The following LMO3 variants were observed in gnomAD, a reference collection of about 807,000 sequenced individuals.
The protein encoded by LMO3 is LIM domain only 3.
A neutral mutation model predicts 15.8 loss-of-function variants in LMO3; 2 were observed. That is an observed-to-expected ratio of 0.13 (90% confidence interval 0.05 to 0.40). The LOEUF (loss-of-function observed/expected upper bound fraction) is 0.40. LMO3 is among the 10% of genes least tolerant of loss of function. The pLI is 0.99. For missense variants in LMO3, 86 were observed against 182.2 expected, an observed-to-expected ratio of 0.47 and a Z score of 3.04; for synonymous variants, 62 against 63.8, an observed-to-expected ratio of 0.97 and a Z score of 0.13.
intron 3 of LMO3, among the ~76,000 whole-genome samples, chr12:16,558,197 G>A (rs1942262579): frequency 1.3e-5 from 2 of 152,034 alleles, no homozygotes; most frequent in Non-Finnish European, 2.9e-5. Flanking sequence ...TTTATACAAT[G>A]TCATTTGTCC....
intron 2 of LMO3, among the ~76,000 whole-genome samples, chr12:16,592,519 C>A (rs1943525634): frequency 6.6e-6 from 1 of 152,008 alleles, no homozygotes; most frequent in Non-Finnish European, 1.5e-5. Flanking sequence ...AAATAACCTG[C>A]TCATGGAAAC....
At chr12:16,605,104 G>A in intron 1 of LMO3, 1 of 1,437,874 alleles carries the variant, frequency 7.0e-7, no homozygotes, top group Non-Finnish European at 9.1e-7. Flanking sequence ...ACAAGACAGG[G>A]CGCACACACG....
rs970153803 is a variant in LMO3 at position 16,555,390 on chromosome 12, T to C, written c.333-4063A>G. 1.3e-5 allele frequency among the ~76,000 whole-genome samples: 2 copies of C among 152,224 alleles called. No individual in the cohort carries two copies. The highest frequency in any genetic ancestry group is 2.9e-5 in the Non-Finnish European group (2 of 68,046). ...TTGGTGTTTCAAAATTTCTCATGAATGTGTAACTGGTTTGCCATTATAGTC... is the reference window on the plus strand; with the variant it reads ...TTGGTGTTTCAAAATTTCTCATGAACGTGTAACTGGTTTGCCATTATAGTC... On this transcript the variant is annotated intron_variant, in intron 3 of 3. Transcript: ENST00000537304. This position sits in a 1 kb window ranked among gnomAD's most constrained non-coding sequence, Gnocchi z 5.5.
chr12:16,588,849 C>G (rs1161409730), intron 2 of LMO3, among the ~76,000 whole-genome samples: 1 of 151,942 alleles, frequency 6.6e-6, no homozygotes, highest in African/African-American at 2.4e-5. Context: ...TAATTTCTCC[C>G]TTATCTTATC....
intron 3 of LMO3, among the ~76,000 whole-genome samples, chr12:16,556,997 TTA>T (rs1203192352): frequency 1.3e-5 from 2 of 152,162 alleles, no homozygotes. Flanking sequence ...GTGAACAGTT[TTA>T]GAGTCAAAAT....
In LMO3 at chr12:16,559,681, TG is replaced by T. The variant is rs1261233116; in HGVS notation, c.332+731del. Reference sequence around the variant, plus strand: ...AAACAGCTAGATTGGGTGGGGGTGGTGGCTCATGCCTATAATCCCTGCACTT... The same window carrying T: ...AAACAGCTAGATTGGGTGGGGGTGGTGCTCATGCCTATAATCCCTGCACTT... On this transcript the variant is annotated intron_variant, in intron 3 of 3. Transcript: ENST00000537304. This position sits in a 1 kb window ranked among gnomAD's most constrained non-coding sequence, Gnocchi z 4.1. Among the ~76,000 whole-genome samples the T allele has an allele frequency of 1.3e-5, 2 of 151,930 alleles. No individual in the cohort carries two copies. Among genetic ancestry groups the T allele is most frequent in the African/African-American group, 4.8e-5 (2 of 41,330 alleles).
At chr12:16,581,455 A>C (rs1188954844) in intron 2 of LMO3, among the ~76,000 whole-genome samples, 1 of 152,204 alleles carries the variant, frequency 6.6e-6, no homozygotes, top group Non-Finnish European at 1.5e-5. Flanking sequence ...AATACCTGAA[A>C]AATAATACTA....
chr12:16,593,644 GT>G lies in LMO3; in HGVS notation c.206+7010del, dbSNP rs1371242391. On this transcript the variant is annotated intron_variant, in intron 2 of 3. Coordinates refer to ENST00000537304, the MANE Select transcript of LMO3 (RefSeq NM_018640.5). The surrounding 1 kb of genome is among the most constrained non-coding windows in gnomAD (Gnocchi z 4.2). ...AATGCACAGTTGGCTGATGTAGTTAGTTTGTGAAGATAGAAAACGTTTGGCT... is the reference window on the plus strand; with the variant it reads ...AATGCACAGTTGGCTGATGTAGTTAGTTGTGAAGATAGAAAACGTTTGGCT... Among the ~76,000 whole-genome samples the G allele has an allele frequency of 6.6e-6, 1 of 151,794 alleles. No individual in the cohort carries two copies. The highest frequency in any genetic ancestry group is 1.5e-5 in the Non-Finnish European group (1 of 67,776).
intron 2 of LMO3, among the ~76,000 whole-genome samples, chr12:16,583,611 G>A (rs1943232040): frequency 6.6e-6 from 1 of 152,186 alleles, no homozygotes; most frequent in Non-Finnish European, 1.5e-5. Context: ...CAGATAAAAT[G>A]TAAGAGGCTG....
intron 2 of LMO3, among the ~76,000 whole-genome samples, chr12:16,583,303 C>A (rs1171684491): frequency 1.3e-5 from 2 of 151,902 alleles, no homozygotes; most frequent in East Asian, 1.9e-4. Context: ...CAACAACAGA[C>A]TGTTCTTTTT....
rs2137573900 is a variant in LMO3, at chr12:16,585,587, T to C, written c.206+15068A>G. On this transcript the variant is annotated intron_variant, in intron 2 of 3. Transcript: ENST00000537304. This position sits in a 1 kb window ranked among gnomAD's most constrained non-coding sequence, Gnocchi z 4.7. ...TCTCACTCAGCTATCTGAGCATCTC[T>C]CATGCATCAGGCCCTATGTTCCCAC... Among the ~76,000 whole-genome samples, 1 of 152,314 alleles carries C rather than the reference T, an allele frequency of 6.6e-6. No individual in the cohort carries two copies. Among genetic ancestry groups the C allele is most frequent in the East Asian group, 1.9e-4 (1 of 5,186 alleles).
Position 16,596,418 on chromosome 12 carries a change from G to A in LMO3, c.206+4237C>T, listed in dbSNP as rs1943660412. Among the ~76,000 whole-genome samples, 1 of 151,436 alleles carries A rather than the reference G, an allele frequency of 6.6e-6. No homozygotes were observed. Among genetic ancestry groups the A allele is most frequent in the South Asian group, 2.1e-4 (1 of 4,832 alleles). On this transcript the variant is annotated intron_variant, in intron 2 of 3. Transcript: ENST00000537304. This position sits in a 1 kb window ranked among gnomAD's most constrained non-coding sequence, Gnocchi z 4.3. The stretch of plus-strand genomic sequence containing the variant: ...AGCAGCTTCCATGGCACATACCACA[G>A]CAAACAGCTTTGAATAAACTCTGGC...
intron 2 of LMO3, among the ~76,000 whole-genome samples, chr12:16,568,584 G>T (rs1053580167): frequency 8.5e-5 from 13 of 152,086 alleles, no homozygotes; most frequent in Admixed American, 8.5e-4. Flanking sequence ...AGATTCCAAA[G>T]CTTAGCACAA....
rs1229431550 is a variant in LMO3, at chr12:16,604,614, G to A, written c.-9+1452C>T. The A allele has an allele frequency of 3.7e-6, 2 of 540,264 alleles. No homozygotes were observed. Among genetic ancestry groups the A allele is most frequent in the Non-Finnish European group, 6.5e-6 (2 of 305,532 alleles). The allele number at this position is 540,264 out of a possible 1,614,324, so 33.5% of individuals were successfully genotyped here. On this transcript the variant is annotated intron_variant, in intron 1 of 3. Transcript: ENST00000537304. The surrounding 1 kb of genome is among the most constrained non-coding windows in gnomAD (Gnocchi z 5.3). The stretch of plus-strand genomic sequence containing the variant: ...TACACTCTAACAAAGAATCCCTTGC[G>A]GAGTTTATGCTCCAGCCTTTTGTGG...
chr12:16,562,238 T>C, intron 2 of LMO3, among the ~76,000 whole-genome samples: 1 of 152,226 alleles, frequency 6.6e-6, no homozygotes, highest in Non-Finnish European at 1.5e-5. Flanking sequence ...GTACTTAACA[T>C]GATCTGCTTA....
intron 2 of LMO3, among the ~76,000 whole-genome samples, chr12:16,581,987 C>T (rs569742342): frequency 1.6e-4 from 24 of 152,042 alleles, no homozygotes; most frequent in Non-Finnish European, 3.1e-4. Flanking sequence ...TTATTTACTT[C>T]GTTTTCTTAT....
At chr12:16,569,652 A>T (rs866340368) in intron 2 of LMO3, among the ~76,000 whole-genome samples, 1 of 152,210 alleles carries the variant, frequency 6.6e-6, no homozygotes, top group Non-Finnish European at 1.5e-5. Context: ...TTGTACCAAC[A>T]TTTCATAGAA....
At chr12:16,594,780 T>C (rs1003333986) in intron 2 of LMO3, among the ~76,000 whole-genome samples, 2 of 151,576 alleles carry the variant, frequency 1.3e-5, no homozygotes, top group African/African-American at 4.8e-5. Context: ...ATCAAAACCA[T>C]TTACAAAATT....
Position 16,585,266 on chromosome 12 carries a change from A to G in LMO3, c.206+15389T>C, listed in dbSNP as rs1943283420. 6.6e-6 allele frequency among the ~76,000 whole-genome samples: 1 copy of G among 152,010 alleles called. No individual in the cohort carries two copies. Among genetic ancestry groups the G allele is most frequent in the Non-Finnish European group, 1.5e-5 (1 of 68,030 alleles). ...AAATAATTCAGCCTATTTTATTTAC[A>G]TTCAAGTATCATGGTAGAAAACAAG... On this transcript the variant is annotated intron_variant, in intron 2 of 3. Coordinates refer to ENST00000537304, the MANE Select transcript of LMO3 (RefSeq NM_018640.5). This position sits in a 1 kb window ranked among gnomAD's most constrained non-coding sequence, Gnocchi z 4.7.
Sources: gnomAD v4.1 joint callset for allele counts (sites outside exome capture counted in the v4.1 genomes callset) on GRCh38, gnomAD v4.1.1 for gene constraint, Gnocchi (gnomAD v3.1) non-coding constraint, MANE v1.5 for transcripts, NCBI Gene and HGNC (gene_info 2026-07-23, HGNC 2026-07-21) for gene names.